The following PCLO variants were observed in gnomAD, a reference collection of about 807,000 sequenced individuals.
PCLO encodes piccolo presynaptic cytomatrix protein.
Under a neutral mutation model 427.5 loss-of-function variants are expected in PCLO, and 82 were observed. That is an observed-to-expected ratio of 0.19 (90% CI 0.16 to 0.23). The LOEUF is 0.23. Ranked by LOEUF, PCLO falls within the 10% of genes least tolerant of loss-of-function variation. The pLI, the probability that PCLO is intolerant of heterozygous loss-of-function variation, is 1.00. For synonymous variants in PCLO, 2,357 were observed against 2,155.4 expected (o/e 1.09, Z -2.59); for missense variants, 6,239 against 6,115.9 (o/e 1.02, Z -0.67).
At chr7:83,132,673 A>C (rs1254583246) in intron 3 of PCLO, among the ~76,000 whole-genome samples, 1 of 152,116 alleles carries the variant, frequency 6.6e-6, no homozygotes, top group East Asian at 1.9e-4. Context: ...TGCTCAACTC[A>C]TACTACACAC....
chr7:82,815,194 A>C (rs1791652720), intron 20 of PCLO, among the ~76,000 whole-genome samples: 1 of 152,034 alleles, frequency 6.6e-6, no homozygotes. Flanking sequence ...TTTGGTTAAA[A>C]ACGAACAAAA....
At chr7:82,998,568 G>C (rs1467695492) in intron 3 of PCLO, among the ~76,000 whole-genome samples, 1 of 151,834 alleles carries the variant, frequency 6.6e-6, no homozygotes, top group Non-Finnish European at 1.5e-5. Context: ...GGCCTCTCTA[G>C]ATATCCTGTC....
chr7:82,865,963 A>G lies in PCLO; in HGVS notation c.13654+13374T>C, dbSNP rs763487456. The stretch of plus-strand genomic sequence containing the variant: ...TCAGGTCAATTGCGTCTCATCTCAC[A>G]TAAGTACACGTTAAAGTCCTTACAA... On this transcript the variant is annotated intron_variant, in intron 10 of 24. Transcript: ENST00000333891. Among the ~76,000 whole-genome samples, 18 of 152,260 alleles carry G rather than the reference A, an allele frequency of 1.2e-4. 1 individual carries two copies. The highest frequency in any genetic ancestry group is 3.4e-3 in the Middle Eastern group (1 of 294).
intron 2 of PCLO, among the ~76,000 whole-genome samples, chr7:83,144,808 A>T (rs1791952837): frequency 6.6e-6 from 1 of 152,178 alleles, no homozygotes; most frequent in African/African-American, 2.4e-5. Context: ...ATTTTCCCCA[A>T]AAATACAATT....
At chr7:83,108,702 A>C (rs941766997) in intron 3 of PCLO, among the ~76,000 whole-genome samples, 9 of 151,796 alleles carry the variant, frequency 5.9e-5, no homozygotes, top group African/African-American at 2.2e-4. Context: ...ACTACATTCC[A>C]CCTCCTCATT....
At chr7:82,775,614 A>T (rs1790733158) in intron 22 of PCLO, among the ~76,000 whole-genome samples, 1 of 152,176 alleles carries the variant, frequency 6.6e-6, no homozygotes, top group African/African-American at 2.4e-5. Flanking sequence ...TATAGTTTGG[A>T]TAACAGACCT....
chr7:82,824,721 A>C (rs1791891557), intron 18 of PCLO, among the ~76,000 whole-genome samples: 1 of 151,676 alleles, frequency 6.6e-6, no homozygotes, highest in Non-Finnish European at 1.5e-5. Context: ...CATAAAACAA[A>C]ACTTCTTTTT....
chr7:83,116,492 A>G (rs1043821928), intron 3 of PCLO, among the ~76,000 whole-genome samples: 32 of 152,034 alleles, frequency 2.1e-4, no homozygotes, highest in Non-Finnish European at 4.1e-4. Flanking sequence ...CTCTTTTTAA[A>G]TTTTTTTACT....
In PCLO at chr7:82,776,161, A is replaced by G. The variant is rs1790744618; in HGVS notation, c.15008-14668T>C. On this transcript the variant is annotated intron_variant, in intron 22 of 24. Coordinates refer to ENST00000333891, the MANE Select transcript of PCLO (RefSeq NM_033026.6). ...CCTTGCAATTTTTATGTACCTTTGC[A>G]TCTAATTTCATTTTCTTTTCATATA... Among the ~76,000 whole-genome samples, 3 of 152,186 alleles carry G rather than the reference A, an allele frequency of 2.0e-5. No homozygotes were observed. In the South Asian group the frequency reaches 6.2e-4, roughly 32 times the overall value.
intron 3 of PCLO, among the ~76,000 whole-genome samples, chr7:82,978,857 A>AACACACACAC (rs66871387): frequency 5.8e-5 from 8 of 138,592 alleles, no homozygotes; most frequent in African/African-American, 2.0e-4. Context: ...CACACACACA[A>AACACACACAC]ACACACACAC....
At chr7:82,892,970 T>C (rs1455558414) in intron 9 of PCLO, among the ~76,000 whole-genome samples, 1 of 152,128 alleles carries the variant, frequency 6.6e-6, no homozygotes, top group Non-Finnish European at 1.5e-5. Context: ...TTTTACACTG[T>C]TGGTGGGACT....
At chr7:82,879,303 C>A (rs750921641) in intron 10 of PCLO, 34 bp downstream of exon 10, 1 of 1,560,826 alleles carries the variant, frequency 6.4e-7, no homozygotes, top group Non-Finnish European at 8.7e-7. Context: ...TGAGTGCATT[C>A]ATTTTATTTT....
chr7:82,938,497 C>T (rs1795007604), intron 6 of PCLO, among the ~76,000 whole-genome samples: 1 of 151,878 alleles, frequency 6.6e-6, no homozygotes, highest in Non-Finnish European at 1.5e-5. Context: ...AATTTAAAAC[C>T]ACCCTTTTTG....
intron 20 of PCLO, among the ~76,000 whole-genome samples, chr7:82,810,767 A>G (rs1791552621): frequency 1.3e-5 from 2 of 151,684 alleles, no homozygotes; most frequent in Admixed American, 1.3e-4. Flanking sequence ...TCTGTCTTCA[A>G]TTAGTTTGCT....
Position 83,155,786 on chromosome 7 carries a change from C to T in PCLO, c.855G>A (p.Gln285=), listed in dbSNP as rs1245010325. The change falls in exon 2 of 25, where the codon CAG becomes CAA. Residue 285 remains glutamine, a synonymous_variant. Transcript: ENST00000333891. ...QRDASRPQTK[Q]ADIVRGESVK... is the part of the protein sequence containing the mutation. ...CTGATTCTCCCCTTACTATGTCTGC[C>T]TGTTTAGTCTGAGGCCTGGATGCAT... 1 of 1,613,850 alleles carries T rather than the reference C, an allele frequency of 6.2e-7. No homozygotes were observed. Among genetic ancestry groups the T allele is most frequent in the East Asian group, 2.2e-5 (1 of 44,862 alleles).
At chr7:82,868,887 A>G (rs1043865012) in intron 10 of PCLO, among the ~76,000 whole-genome samples, 2 of 152,226 alleles carry the variant, frequency 1.3e-5, no homozygotes, top group African/African-American at 4.8e-5. Context: ...AAAAGATTTT[A>G]TTAAATTAAC....
At chr7:83,124,919 T>A (rs1441242550) in intron 3 of PCLO, among the ~76,000 whole-genome samples, 1 of 152,116 alleles carries the variant, frequency 6.6e-6, no homozygotes, top group Non-Finnish European at 1.5e-5. Flanking sequence ...CACGCCTGAC[T>A]GGTTTTTGCA....
intron 2 of PCLO, among the ~76,000 whole-genome samples, chr7:83,137,961 G>A (rs982020112): frequency 2.6e-5 from 4 of 152,106 alleles, no homozygotes; most frequent in African/African-American, 9.7e-5. Flanking sequence ...CTTAATGGAA[G>A]GAAATATGTC....
intron 10 of PCLO, among the ~76,000 whole-genome samples, chr7:82,878,650 T>G (rs548328807): frequency 2.6e-5 from 4 of 152,314 alleles, no homozygotes; most frequent in African/African-American, 9.6e-5. Context: ...TATGGCCCAT[T>G]ATCTCCTACT....
Sources: gnomAD v4.1 joint callset for allele counts (sites outside exome capture counted in the v4.1 genomes callset) on GRCh38, gnomAD v4.1.1 for gene constraint, MANE v1.5 for transcripts, NCBI Gene and HGNC (gene_info 2026-07-23, HGNC 2026-07-21) for gene names.